The following LCLAT1 variants were observed in gnomAD, a reference collection of about 807,000 sequenced individuals.
LCLAT1 encodes lysocardiolipin acyltransferase 1.
In LCLAT1, 11 loss-of-function variants were observed where a neutral mutation model predicts 30.7. The ratio of observed to expected loss-of-function variants is 0.36; its 90% CI spans 0.23 to 0.59. The LOEUF is 0.59. Among genes scored for constraint, LCLAT1 ranks in the 20% least tolerant of loss-of-function variants. The pLI is 0.77. For synonymous variants in LCLAT1, 155 were observed against 151.3 expected, an observed-to-expected ratio of 1.02 and a Z score of -0.18; for missense variants, 402 against 458.6, an observed-to-expected ratio of 0.88 and a Z score of 1.13.
intron 5 of LCLAT1, among the ~76,000 whole-genome samples, chr2:30,604,077 TGGAAG>T (rs1431658673): frequency 8.1e-6 from 1 of 123,900 alleles, no homozygotes; most frequent in Non-Finnish European, 1.8e-5. Flanking sequence ...ATTTGGACCA[TGGAAG>T]AACAGAGTAA....
rs1401247381 is a variant in LCLAT1 at position 30,568,215 on chromosome 2, G to A, written c.628+39G>A. On this transcript the variant is annotated intron_variant, in intron 5 of 5. Transcript: ENST00000379509. ...TCAAAATGTACTTTTTAATAAAAGT[G>A]GCAAAAATTGCTAAGCTTTATATAT... 3 of 1,145,552 alleles carry A rather than the reference G, an allele frequency of 2.6e-6. No individual in the cohort carries two copies. The African/African-American group carries it at 4.7e-5, about 18-fold the overall frequency. The allele number at this position is 1,145,552 out of a possible 1,614,324, so 71.0% of individuals were successfully genotyped here.
intron 1 of LCLAT1, among the ~76,000 whole-genome samples, chr2:30,450,734 G>A (rs778075439): frequency 2.0e-5 from 3 of 152,202 alleles, no homozygotes; most frequent in Non-Finnish European, 4.4e-5. Flanking sequence ...ATTTCATGAA[G>A]TCAAAGCAAG....
chr2:30,554,736 G>T (rs1348465855), intron 3 of LCLAT1, among the ~76,000 whole-genome samples: 1 of 152,112 alleles, frequency 6.6e-6, no homozygotes, highest in Non-Finnish European at 1.5e-5. Context: ...TGCAAATCTT[G>T]AAGATTAAGA....
intron 1 of LCLAT1, among the ~76,000 whole-genome samples, chr2:30,520,499 A>G (rs1685424209): frequency 6.6e-6 from 1 of 152,218 alleles, no homozygotes; most frequent in African/African-American, 2.4e-5. Context: ...CCTGGCTTAA[A>G]GTTCCAGTTT....
rs548841512 is a variant in LCLAT1 at position 30,504,399 on chromosome 2, A to G, written c.-4-21188A>G. On this transcript the variant is annotated intron_variant, in intron 1 of 5. Transcript: ENST00000379509. Reference sequence around the variant, plus strand: ...CTTCAAATGGGAAGAGATAAATGCTACTCAGTAAACCAAATGATGGTTTTA... The same window carrying G: ...CTTCAAATGGGAAGAGATAAATGCTGCTCAGTAAACCAAATGATGGTTTTA... Among the ~76,000 whole-genome samples, 87 of 152,234 alleles carry G rather than the reference A, an allele frequency of 5.7e-4. No homozygotes were observed. In the Middle Eastern group the frequency reaches 0.017, roughly 30 times the overall value.
Position 30,640,995 on chromosome 2 carries a change from G to A in LCLAT1, c.*376G>A, listed in dbSNP as rs937882456. 3 of 214,118 alleles carry A rather than the reference G, an allele frequency of 1.4e-5. No individual in the cohort carries two copies. Among genetic ancestry groups the A allele is most frequent in the Non-Finnish European group, 2.8e-5 (3 of 108,346 alleles). The allele number at this position is 214,118 out of a possible 1,614,324, so 13.3% of individuals were successfully genotyped here. A position where few individuals can be genotyped will look rare whatever the true frequency, so the allele number is the denominator to read the frequency against. ...TCAACAACAGCCCGGATCACATGCT[G>A]TTACTGGACTGCCCAGGTCACCTCA... On this transcript the variant is annotated 3_prime_UTR_variant, in exon 6 of 6. Coordinates refer to ENST00000379509, the MANE Select transcript of LCLAT1 (RefSeq NM_001002257.3).
intron 3 of LCLAT1, among the ~76,000 whole-genome samples, chr2:30,534,821 T>C (rs1686164331): frequency 6.6e-6 from 1 of 152,130 alleles, no homozygotes; most frequent in East Asian, 1.9e-4. Context: ...GGAGGGAGCA[T>C]AGCCCCACAG....
intron 1 of LCLAT1, among the ~76,000 whole-genome samples, chr2:30,454,148 T>C (rs1681705606): frequency 6.6e-6 from 1 of 152,248 alleles, no homozygotes; most frequent in African/African-American, 2.4e-5. Context: ...ATATCCATGC[T>C]GAATGTAACT....
At position 30,503,241 on chromosome 2, in the gene LCLAT1, G is replaced by A. The variant is rs114256117; in HGVS notation, c.-4-22346G>A. ...CTTTCCTTGCCATCTTTAGATGCCT[G>A]CCTGTTTTTTCACTTCATCTTGTCT... is the stretch of plus-strand genomic sequence containing the variant. On this transcript the variant is annotated intron_variant, in intron 1 of 5. Transcript: ENST00000379509. 7.0e-3 allele frequency among the ~76,000 whole-genome samples: 1,060 copies of A among 152,274 alleles called. 11 individuals are homozygous for A. Among genetic ancestry groups the A allele is most frequent in the African/African-American group, 0.024 (1,006 of 41,544 alleles).
chr2:30,583,327 T>G (rs1666286052), intron 5 of LCLAT1, among the ~76,000 whole-genome samples: 1 of 152,250 alleles, frequency 6.6e-6, no homozygotes, highest in Non-Finnish European at 1.5e-5. Flanking sequence ...CTGTAAACTT[T>G]AAGATCATGG....
intron 3 of LCLAT1, among the ~76,000 whole-genome samples, chr2:30,557,692 G>C (rs1664992702): frequency 6.6e-6 from 1 of 152,136 alleles, no homozygotes; most frequent in East Asian, 1.9e-4. Flanking sequence ...TGGGATTACA[G>C]GCGTGAGCCA....
rs2148542885 is a variant in LCLAT1 at position 30,641,846 on chromosome 2, A to G, written c.*1227A>G. On this transcript the variant is annotated 3_prime_UTR_variant, in exon 6 of 6. Coordinates refer to ENST00000379509, the MANE Select transcript of LCLAT1 (RefSeq NM_001002257.3). ...CAAGCACCAGTCTTCTTCTGAGGCA[A>G]AAGAAAAGTGTTGTCATTTTCACTC... 6.6e-6 allele frequency: 1 copy of G among 152,224 alleles called. No individual in the cohort carries two copies. Among genetic ancestry groups the G allele is most frequent in the East Asian group, 1.9e-4 (1 of 5,182 alleles). 9.4% of individuals were successfully genotyped at this position (152,224 alleles called of 1,614,324 possible).
At chr2:30,567,341 C>A (rs921805514) in intron 4 of LCLAT1, among the ~76,000 whole-genome samples, 1 of 151,796 alleles carries the variant, frequency 6.6e-6, no homozygotes, top group Non-Finnish European at 1.5e-5. Flanking sequence ...TAAGTATAAC[C>A]GAGCATCTCA....
At chr2:30,517,547 T>A (rs1173550955) in intron 1 of LCLAT1, among the ~76,000 whole-genome samples, 1 of 152,246 alleles carries the variant, frequency 6.6e-6, no homozygotes, top group Non-Finnish European at 1.5e-5. Flanking sequence ...CCCAGTACTT[T>A]AACAACTGGA....
At chr2:30,539,630 A>G (rs1392472769) in intron 3 of LCLAT1, among the ~76,000 whole-genome samples, 2 of 152,186 alleles carry the variant, frequency 1.3e-5, no homozygotes, top group African/African-American at 2.4e-5. Context: ...ATTGTCCACT[A>G]ATCATTTTAA....
chr2:30,606,668 A>AT (rs1667459021), intron 5 of LCLAT1: 1 of 150,664 alleles, frequency 6.6e-6, no homozygotes, highest in South Asian at 2.2e-4. Context: ...CATTCAGGAC[A>AT]TAAGCATGGG....
At chr2:30,499,112 A>G (rs182399078) in intron 1 of LCLAT1, among the ~76,000 whole-genome samples, 125 of 152,328 alleles carry the variant, frequency 8.2e-4, no homozygotes, top group African/African-American at 3.0e-3. Context: ...TAACACCTTT[A>G]AGAAGGAGAG....
At chr2:30,497,944 T>C (rs905402352) in intron 1 of LCLAT1, among the ~76,000 whole-genome samples, 11 of 152,206 alleles carry the variant, frequency 7.2e-5, no homozygotes, top group Admixed American at 1.3e-4. Context: ...AAGTTGTTTA[T>C]TGGAAACCGT....
intron 5 of LCLAT1, among the ~76,000 whole-genome samples, chr2:30,576,990 A>G (rs554993154): frequency 1.3e-5 from 2 of 151,942 alleles, no homozygotes; most frequent in African/African-American, 4.8e-5. Flanking sequence ...AACTAAATAC[A>G]GAAATTGTTT....
Sources: gnomAD v4.1 joint callset for allele counts (sites outside exome capture counted in the v4.1 genomes callset) on GRCh38, gnomAD v4.1.1 for gene constraint, MANE v1.5 for transcripts, NCBI Gene and HGNC (gene_info 2026-07-23, HGNC 2026-07-21) for gene names.